PAH: variants seen among roughly 807,000 people sequenced by gnomAD.
The protein encoded by PAH is phenylalanine hydroxylase.
Under a neutral mutation model 62.0 loss-of-function variants are expected in PAH, and 64 were observed. The ratio of observed to expected loss-of-function variants is 1.03; its 90% confidence interval spans 0.84 to 1.27. PAH has a LOEUF of 1.27. Among genes scored for constraint, PAH ranks in the 50% most tolerant of loss-of-function variants. The pLI, the probability that PAH is intolerant of heterozygous loss-of-function variation, is 0.00. For missense variants in PAH, 579 were observed against 542.8 expected, an observed-to-expected ratio of 1.07 and a Z score of -0.66; for synonymous variants, 195 against 196.2, an observed-to-expected ratio of 0.99 and a Z score of 0.05.
chr12:102,879,965 G>A (rs924774265), intron 3 of PAH, among the ~76,000 whole-genome samples: 10 of 152,168 alleles, frequency 6.6e-5, no homozygotes, highest in African/African-American at 1.7e-4. Context: ...CTGTGTGTTG[G>A]ACACTGCCCT....
intron 11 of PAH, 45 bp from the exon 12 acceptor site, chr12:102,840,560 A>G: frequency 7.6e-7 from 1 of 1,317,400 alleles, no homozygotes; most frequent in Non-Finnish European, 1.1e-6. Flanking sequence ...CCATTTGGAG[A>G]AAGGTAGTCT....
chr12:102,904,428 A>C (rs1449966407), intron 2 of PAH, among the ~76,000 whole-genome samples: 3 of 152,180 alleles, frequency 2.0e-5, no homozygotes, highest in African/African-American at 7.2e-5. Context: ...CATGGTAAAT[A>C]CATATAGGAA....
intron 4 of PAH, among the ~76,000 whole-genome samples, chr12:102,871,939 A>ATATAT (rs1876347899): frequency 6.3e-5 from 1 of 15,922 alleles, no homozygotes; most frequent in African/African-American, 1.4e-4. Context: ...AAAAAAAAAA[A>ATATAT]AAAAAAAAAA....
At chr12:102,883,849 G>T (rs1334020960) in intron 3 of PAH, among the ~76,000 whole-genome samples, 1 of 152,130 alleles carries the variant, frequency 6.6e-6, no homozygotes, top group African/African-American at 2.4e-5. Context: ...CTCTACTTTG[G>T]AACTTTGTGC....
chr12:102,843,622 G>T, intron 11 of PAH, 24 bp downstream of exon 11: 2 of 1,612,958 alleles, frequency 1.2e-6, no homozygotes, highest in Non-Finnish European at 1.7e-6. Context: ...CAGAGCTAGT[G>T]GCTCACCTTT....
intron 1 of PAH, among the ~76,000 whole-genome samples, chr12:102,937,280 C>G (rs1879135615): frequency 6.6e-6 from 1 of 152,098 alleles, no homozygotes; most frequent in Middle Eastern, 3.2e-3. Flanking sequence ...AGGACTTACT[C>G]CTGCCATTTC....
intron 3 of PAH, among the ~76,000 whole-genome samples, chr12:102,888,694 G>C (rs1215549227): frequency 6.6e-6 from 1 of 151,686 alleles, no homozygotes; most frequent in Non-Finnish European, 1.5e-5. Flanking sequence ...CCCCTGAATG[G>C]GCTGATCCTC....
At chr12:102,858,382 G>C (rs989682983) in intron 5 of PAH, among the ~76,000 whole-genome samples, 1 of 152,052 alleles carries the variant, frequency 6.6e-6, no homozygotes, top group Non-Finnish European at 1.5e-5. Context: ...TAATGAGAGC[G>C]TTTAACACCC....
rs199646520 is a variant in PAH at position 102,897,467 on chromosome 12, A to G, written c.169-2549T>C. 4.6e-3 allele frequency among the ~76,000 whole-genome samples: 390 copies of G among 83,940 alleles called. 2 individuals carry two copies. The highest frequency in any genetic ancestry group is 0.012 in the Middle Eastern group (2 of 172). The allele number at this position is 83,940 out of a possible 152,430, so 55.1% of individuals were successfully genotyped here. A position where few individuals can be genotyped will look rare whatever the true frequency, so the allele number is the denominator to read the frequency against. ...CTCATATATATGTGTGTGTGTGTGT[A>G]TATATATATATATATATATATATAT... On this transcript the variant is annotated intron_variant, in intron 2 of 12. Transcript: ENST00000553106.
At chr12:102,863,681 A>G (rs1211510185) in intron 5 of PAH, among the ~76,000 whole-genome samples, 1 of 152,164 alleles carries the variant, frequency 6.6e-6, no homozygotes, top group East Asian at 1.9e-4. Context: ...GTCTGAAAGC[A>G]AGGCCAAAGC....
chr12:102,956,708 A>C (rs1265355868), intron 1 of PAH, among the ~76,000 whole-genome samples: 1 of 152,018 alleles, frequency 6.6e-6, no homozygotes, highest in East Asian at 1.9e-4. Context: ...GTCCGGAAAT[A>C]ATCTTTATGG....
upstream of PAH, among the ~76,000 whole-genome samples, chr12:102,952,171 T>C (rs183243397): frequency 2.3e-4 from 35 of 152,238 alleles, no homozygotes; most frequent in East Asian, 5.6e-3. Context: ...AGCCCTTCGA[T>C]TGTGAAGGGG....
chr12:102,904,970 CT>C (rs1464781360), intron 2 of PAH, among the ~76,000 whole-genome samples: 1 of 152,178 alleles, frequency 6.6e-6, no homozygotes, highest in Non-Finnish European at 1.5e-5. Context: ...AAAAACAACA[CT>C]TTAAAATAAA....
chr12:102,855,104 C>T (rs1393602071), intron 6 of PAH, 32 bp downstream of exon 6: 2 of 1,576,976 alleles, frequency 1.3e-6, no homozygotes, highest in Middle Eastern at 1.7e-4. Context: ...CCCCAACTTT[C>T]TGCAGGGCCA....
intron 4 of PAH, among the ~76,000 whole-genome samples, chr12:102,867,483 C>T (rs1876028274): frequency 1.3e-5 from 2 of 152,164 alleles, no homozygotes; most frequent in South Asian, 4.2e-4. Context: ...GGGATTCCAA[C>T]TGATTGAAAG....
At chr12:102,883,434 CTT>C (rs779301935) in intron 3 of PAH, among the ~76,000 whole-genome samples, 3 of 152,336 alleles carry the variant, frequency 2.0e-5, no homozygotes, top group Non-Finnish European at 4.4e-5. Context: ...CTCTGGGTGA[CTT>C]TTTCCTTCTC....
At chr12:102,944,271 A>G (rs1469230204) in intron 1 of PAH, among the ~76,000 whole-genome samples, 2 of 152,108 alleles carry the variant, frequency 1.3e-5, no homozygotes, top group African/African-American at 2.4e-5. Context: ...TTAATGTTCT[A>G]TAATCTTCTT....
At chr12:102,870,793 T>C (rs746299426) in intron 4 of PAH, among the ~76,000 whole-genome samples, 6 of 152,158 alleles carry the variant, frequency 3.9e-5, no homozygotes, top group African/African-American at 7.2e-5. Context: ...TCCCATCCTA[T>C]AGACATTGGT....
chr12:102,930,640 ACT>A (rs1435156326), intron 1 of PAH, among the ~76,000 whole-genome samples: 1 of 152,124 alleles, frequency 6.6e-6, no homozygotes, highest in Admixed American at 6.5e-5. Flanking sequence ...CCTGCTGTCC[ACT>A]CTCCTGAGTT....
Sources: gnomAD v4.1 joint callset for allele counts (sites outside exome capture counted in the v4.1 genomes callset) on GRCh38, gnomAD v4.1.1 for gene constraint, MANE v1.5 for transcripts, NCBI Gene and HGNC (gene_info 2026-07-23, HGNC 2026-07-21) for gene names.